Variants in COL21A1 observed in about 807,000 individuals in gnomAD.
COL21A1 encodes collagen type XXI alpha 1 chain.
Under a neutral mutation model 137.9 loss-of-function variants are expected in COL21A1, and 149 were observed. The observed-to-expected ratio is 1.08, with a 90% CI of 0.95 to 1.24. The LOEUF (loss-of-function observed/expected upper bound fraction) is 1.24, where lower values mean the gene tolerates loss of function less well. Among genes scored for constraint, COL21A1 ranks in the 50% most tolerant of loss-of-function variants. The probability of loss-of-function intolerance (pLI) is 0.00; values close to 1 mark genes in which losing one functional copy is unlikely to be tolerated. For missense variants in COL21A1, 1,167 were observed against 1,158.4 expected (o/e 1.01, Z -0.11); for synonymous variants, 456 against 391.5 (o/e 1.16, Z -1.95).
Position 56,171,061 on chromosome 6 carries a change from A to T in COL21A1, c.708T>A (p.Gly236=). ...TCTTAACCTTTTTATTTACATCTAA[A>T]CCTAAAAGAATATCAAATCCCCTTT... ...RDERGFDILL[G]LDVNKKVKKR... is the part of the protein sequence containing the mutation. Residue 236 remains glycine (G), a synonymous_variant, in exon 4 of 30, where the codon GGT becomes GGA. Transcript: ENST00000244728. 6.2e-7 allele frequency: 1 copy of T among 1,609,630 alleles called. No individual in the cohort carries two copies. The highest frequency in any genetic ancestry group is 8.5e-7 in the Non-Finnish European group (1 of 1,177,970).
chr6:56,104,134 C>T (rs1017337704), intron 16 of COL21A1, among the ~76,000 whole-genome samples: 2 of 152,056 alleles, frequency 1.3e-5, no homozygotes, highest in Non-Finnish European at 2.9e-5. Context: ...AGGTAGAAAA[C>T]ATAATTTATA....
chr6:56,280,789 G>A (rs1028089145), intron 1 of COL21A1, among the ~76,000 whole-genome samples: 3 of 152,062 alleles, frequency 2.0e-5, no homozygotes, highest in Non-Finnish European at 4.4e-5. Context: ...AATGTGGGTG[G>A]ATTATTGAGC....
intron 1 of COL21A1, among the ~76,000 whole-genome samples, chr6:56,289,955 G>A (rs1343997753): frequency 6.6e-6 from 1 of 152,006 alleles, no homozygotes; most frequent in African/African-American, 2.4e-5. Context: ...CCATTGGACT[G>A]TAGGAAGGCT....
At chr6:56,383,049 C>G (rs1581795658) in intron 1 of COL21A1, among the ~76,000 whole-genome samples, 1 of 152,310 alleles carries the variant, frequency 6.6e-6, no homozygotes, top group South Asian at 2.1e-4. Context: ...CCACTGTTCC[C>G]TTGAAACATT....
chr6:56,204,283 T>C lies in COL21A1; in HGVS notation c.-38-21627A>G, dbSNP rs370641092. Among the ~76,000 whole-genome samples the C allele has an allele frequency of 7.2e-5, 11 of 152,058 alleles. No homozygotes were observed. In the South Asian group the frequency reaches 2.3e-3, roughly 32 times the overall value. On this transcript the variant is annotated intron_variant, in intron 1 of 29. Transcript: ENST00000244728. ...AGCAGTCTGAGATGCTTGAGCTTGG[T>C]ATGGGGAGGGGCATGCAACATTGCT...
intron 10 of COL21A1, among the ~76,000 whole-genome samples, chr6:56,152,539 C>G (rs1049680913): frequency 2.6e-5 from 4 of 151,984 alleles, no homozygotes; most frequent in Non-Finnish European, 5.9e-5. Context: ...ACACAGACAC[C>G]AAAACACATA....
At chr6:56,336,849 AG>A (rs1202475648) in intron 1 of COL21A1, among the ~76,000 whole-genome samples, 2 of 152,226 alleles carry the variant, frequency 1.3e-5, no homozygotes, top group Non-Finnish European at 2.9e-5. Context: ...ACGTCAAACC[AG>A]TTATTTGGTA....
chr6:56,130,988 C>T (rs1268469840), intron 12 of COL21A1, among the ~76,000 whole-genome samples: 1 of 152,086 alleles, frequency 6.6e-6, no homozygotes, highest in African/African-American at 2.4e-5. Flanking sequence ...TAAATGGCTC[C>T]TGTGTTGGCC....
intron 1 of COL21A1, among the ~76,000 whole-genome samples, chr6:56,363,858 C>T (rs1766034202): frequency 1.3e-5 from 2 of 152,164 alleles, no homozygotes; most frequent in South Asian, 4.1e-4. Flanking sequence ...ATCTGAGAAC[C>T]TCTGATTTAA....
chr6:56,242,178 T>A (rs181431716), intron 1 of COL21A1, among the ~76,000 whole-genome samples: 477 of 152,282 alleles, frequency 3.1e-3, no homozygotes, highest in Non-Finnish European at 4.8e-3. Flanking sequence ...AAAATACGTA[T>A]ACAACAAGGT....
intron 1 of COL21A1, among the ~76,000 whole-genome samples, chr6:56,348,525 T>C (rs1253404702): frequency 6.6e-6 from 1 of 151,902 alleles, no homozygotes; most frequent in Non-Finnish European, 1.5e-5. Flanking sequence ...TCTGGTAAAA[T>C]GAGAATAAGG....
At chr6:56,229,317 T>C (rs1023881341) in intron 1 of COL21A1, among the ~76,000 whole-genome samples, 63 of 151,994 alleles carry the variant, frequency 4.1e-4, no homozygotes, top group Admixed American at 1.1e-3. Context: ...CCCAGGAGTT[T>C]GAATTGCACT....
intron 1 of COL21A1, among the ~76,000 whole-genome samples, chr6:56,183,007 C>T (rs1177196650): frequency 6.6e-6 from 1 of 152,024 alleles, no homozygotes; most frequent in Non-Finnish European, 1.5e-5. Flanking sequence ...AAACATTTTT[C>T]TTTTAAACGT....
chr6:56,225,969 T>C (rs1012548298), intron 1 of COL21A1: 12 of 152,066 alleles, frequency 7.9e-5, no homozygotes, highest in African/African-American at 2.7e-4. Flanking sequence ...TTCATTGTGG[T>C]GTACATGTTT....
rs933848666 is a variant in COL21A1 at position 56,101,545 on chromosome 6, A to C, written c.1759-20T>G. Reference sequence around the variant, plus strand: ...TTCTCCCTTTTAATGATTTGACAAAAAGAAATAGAGAATTCAGTTTTGAGG... The same window carrying C: ...TTCTCCCTTTTAATGATTTGACAAACAGAAATAGAGAATTCAGTTTTGAGG... On this transcript the variant is annotated intron_variant, in intron 16 of 29. Transcript: ENST00000244728. 12 of 1,565,386 alleles carry C rather than the reference A, an allele frequency of 7.7e-6. No individual in the cohort carries two copies. The Admixed American group carries it at 9.3e-5, about 12-fold the overall frequency.
chr6:56,216,631 A>T (rs944873131), intron 1 of COL21A1, among the ~76,000 whole-genome samples: 3 of 152,112 alleles, frequency 2.0e-5, no homozygotes, highest in African/African-American at 7.2e-5. Flanking sequence ...GTACACAGCC[A>T]ATGCTAGGTC....
intron 1 of COL21A1, among the ~76,000 whole-genome samples, chr6:56,302,048 G>A (rs1165583550): frequency 9.2e-5 from 14 of 151,412 alleles, no homozygotes; most frequent in South Asian, 2.1e-4. Flanking sequence ...TCCCTGCAAA[G>A]GACATGAACT....
At chr6:56,216,061 G>T (rs1780462661) in intron 1 of COL21A1, among the ~76,000 whole-genome samples, 1 of 152,004 alleles carries the variant, frequency 6.6e-6, no homozygotes, top group Non-Finnish European at 1.5e-5. Context: ...ACCTGTCACT[G>T]GTAAGACATT....
chr6:56,362,060 A>G (rs531724121), intron 1 of COL21A1, among the ~76,000 whole-genome samples: 176 of 152,128 alleles, frequency 1.2e-3, no homozygotes, highest in African/African-American at 4.0e-3. Flanking sequence ...GCCCCTGGAA[A>G]CCCTTGCCCA....
Sources: allele counts gnomAD v4.1 joint callset (sites outside exome capture counted in the v4.1 genomes callset), GRCh38; gene constraint gnomAD v4.1.1; transcripts MANE v1.5; gene names NCBI Gene and HGNC (gene_info 2026-07-23, HGNC 2026-07-21).